The following RBM41 variants were observed in gnomAD, a reference collection of about 807,000 sequenced individuals.
RBM41 encodes RNA binding motif protein 41, also known as RNA-binding protein 41.
Under a neutral mutation model 30.8 loss-of-function variants are expected in RBM41, and 14 were observed. The ratio of observed to expected loss-of-function variants is 0.45; its 90% CI spans 0.30 to 0.71. The LOEUF is 0.71. RBM41 is among the 30% of genes least tolerant of loss of function. The pLI is 0.08. For synonymous variants in RBM41, 120 were observed against 110.1 expected (o/e 1.09, Z -0.56); for missense variants, 276 against 326.3 (o/e 0.85, Z 1.19).
chrX:107,079,658 A>G (rs754505647), intron 6 of RBM41, among the ~76,000 whole-genome samples: 26 of 111,880 alleles, frequency 2.3e-4, no homozygotes, highest in African/African-American at 8.4e-4. Context: ...TGCATACATT[A>G]AGTGTCACTC....
At chrX:107,060,451 C>T (rs961618766), downstream of RBM41, among the ~76,000 whole-genome samples, 4 of 110,031 alleles carry the variant, frequency 3.6e-5, no homozygotes, top group African/African-American at 1.3e-4. Context: ...TACCCTGTAC[C>T]TCCGCCATAA....
chrX:107,058,497 T>G, downstream of RBM41, among the ~76,000 whole-genome samples: 1 of 110,768 alleles, frequency 9.0e-6, no homozygotes, highest in Non-Finnish European at 1.9e-5. Context: ...GAGTTTAACT[T>G]ACTCAGGTTC....
intron 6 of RBM41, among the ~76,000 whole-genome samples, chrX:107,075,111 C>A (rs1936184679): frequency 8.9e-6 from 1 of 111,829 alleles, no homozygotes; most frequent in Admixed American, 9.5e-5. Context: ...ACCCATGAAG[C>A]TACAGTCAAC....
intron 7 of RBM41, among the ~76,000 whole-genome samples, chrX:107,068,750 T>C (rs1935934828): frequency 8.9e-6 from 1 of 111,940 alleles, no homozygotes; most frequent in Non-Finnish European, 1.9e-5. Flanking sequence ...TCATAGAAAC[T>C]GAAATTTGCA....
intron 6 of RBM41, among the ~76,000 whole-genome samples, chrX:107,082,814 T>TTA (rs1333694135): frequency 9.0e-6 from 1 of 110,970 alleles, no homozygotes; most frequent in Non-Finnish European, 1.9e-5. Flanking sequence ...AAATTTGTAT[T>TTA]TATATATATA....
intron 6 of RBM41, among the ~76,000 whole-genome samples, chrX:107,076,295 C>T (rs777404321): frequency 3.8e-5 from 4 of 105,257 alleles, no homozygotes; most frequent in Non-Finnish European, 5.8e-5. Context: ...CCAGCTCAGA[C>T]GACAGTGCCA....
At chrX:107,101,444 G>T (rs1399912235) in intron 5 of RBM41, among the ~76,000 whole-genome samples, 1 of 111,557 alleles carries the variant, frequency 9.0e-6, no homozygotes, top group Non-Finnish European at 1.9e-5. Context: ...TAGTTAAGGT[G>T]AAGTCACAGG....
intron 5 of RBM41, among the ~76,000 whole-genome samples, chrX:107,093,753 C>T (rs1187693625): frequency 2.7e-5 from 3 of 111,308 alleles, no homozygotes; most frequent in African/African-American, 9.8e-5. Context: ...AGAAATAAAT[C>T]AACGCAATAG....
Position 107,115,953 on chromosome X carries a change from T to C in RBM41, c.227A>G (p.His76Arg). 8.3e-7 allele frequency: 1 copy of C among 1,210,990 alleles called. No homozygotes were observed. Among genetic ancestry groups the C allele is most frequent in the Non-Finnish European group, 1.1e-6 (1 of 895,021 alleles). ...TMTLSQFQTLHEKDQETASLR... is the reference protein window; with the variant it reads ...TMTLSQFQTLREKDQETASLR... ...AGAAGCAGTTTCCTGGTCCTTCTCA[T>C]GCAGTGTCTGGAATTGGGACAAAGT... The change falls in exon 3 of 8, where the codon CAT (histidine) becomes CGT (arginine). Residue 76 changes from histidine to arginine, a missense_variant. Transcript: ENST00000685964.
At chrX:107,090,498 A>C (rs1922437161) in intron 5 of RBM41, among the ~76,000 whole-genome samples, 2 of 112,041 alleles carry the variant, frequency 1.8e-5, no homozygotes, top group Non-Finnish European at 3.8e-5. Flanking sequence ...TGGCCAAATT[A>C]TCCCACTTAA....
At chrX:107,087,777 T>C in intron 6 of RBM41, among the ~76,000 whole-genome samples, 1 of 111,633 alleles carries the variant, frequency 9.0e-6, no homozygotes, top group East Asian at 2.8e-4. Flanking sequence ...CTAATTTTTG[T>C]ATTTTTAGTA....
At chrX:107,081,320 A>G (rs1921499138) in intron 6 of RBM41, among the ~76,000 whole-genome samples, 1 of 111,051 alleles carries the variant, frequency 9.0e-6, no homozygotes, top group Non-Finnish European at 1.9e-5. Context: ...TCAAGTATCA[A>G]TTTACTGTAT....
chrX:107,098,039 T>C (rs979579173), intron 5 of RBM41, among the ~76,000 whole-genome samples: 3 of 112,009 alleles, frequency 2.7e-5, no homozygotes, highest in African/African-American at 9.7e-5. Context: ...AGGTGGATTT[T>C]ATCATGTATA....
At chrX:107,086,940 A>G (rs970985563) in intron 6 of RBM41, among the ~76,000 whole-genome samples, 1 of 112,293 alleles carries the variant, frequency 8.9e-6, no homozygotes, top group Admixed American at 9.4e-5. Flanking sequence ...AAAAGGTTGT[A>G]GAATGATAGA....
intron 4 of RBM41, chrX:107,115,150 A>G (rs369154656): frequency 1.4e-5 from 6 of 440,117 alleles, no homozygotes; most frequent in East Asian, 1.1e-4. Context: ...CATTTTATTC[A>G]AATCTCTATA....
chrX:107,088,401 T>C, intron 6 of RBM41, 35 bp downstream of exon 6: 2 of 1,163,349 alleles, frequency 1.7e-6, no homozygotes, highest in Non-Finnish European at 2.3e-6. Context: ...AAAAGCGAAA[T>C]CAACCCAGGT....
At chrX:107,099,016 T>C (rs1923223122) in intron 5 of RBM41, among the ~76,000 whole-genome samples, 1 of 110,536 alleles carries the variant, frequency 9.0e-6, no homozygotes, top group Admixed American at 9.7e-5. Flanking sequence ...AAAGGATTTA[T>C]TAATCAAAGC....
At position 107,069,262 on chromosome X, in the gene RBM41, G is replaced by A. The variant is rs746086330; in HGVS notation, c.1140C>T (p.Thr380=). Residue 380 remains threonine, a synonymous_variant, in exon 7 of 8, where the codon ACC becomes ACT. Transcript: ENST00000685964. ...TGRMRGQAFI[T]FPNKEIAWQA... ...CTGGATGAAACTACTTACTGGGAAA[G>A]GTGATAAAAGCCTGGCCCCTCATTC... 8.3e-7 allele frequency: 1 copy of A among 1,201,644 alleles called. No individual in the cohort carries two copies. The highest frequency in any genetic ancestry group is 1.8e-5 in the South Asian group (1 of 55,078).
rs188109297 is a variant in RBM41, at chrX:107,096,219, T to A, written c.596-7380A>T. On this transcript the variant is annotated intron_variant, in intron 5 of 7. Transcript: ENST00000685964. Reference sequence around the variant, plus strand: ...TGAATTATAGATTCAACTCAATCCTTATTAAATTCCAGCAGGCTTATTTTT... The same window carrying A: ...TGAATTATAGATTCAACTCAATCCTAATTAAATTCCAGCAGGCTTATTTTT... Among the ~76,000 whole-genome samples, 23 of 112,171 alleles carry A rather than the reference T, an allele frequency of 2.1e-4. No homozygotes were observed. The East Asian group carries it at 3.9e-3, about 19-fold the overall frequency.
Sources: allele counts gnomAD v4.1 joint callset (sites outside exome capture counted in the v4.1 genomes callset), GRCh38; gene constraint gnomAD v4.1.1; transcripts MANE v1.5; gene names NCBI Gene and HGNC (gene_info 2026-07-23, HGNC 2026-07-21).